UEVLD: variants seen among roughly 807,000 people sequenced by gnomAD.
The protein encoded by UEVLD is ubiquitin-conjugating enzyme E2 variant 3.
UEVLD carries 47 observed loss-of-function variants against 58.6 expected under a neutral mutation model. That is an observed-to-expected ratio of 0.80 (90% CI 0.63 to 1.02). The LOEUF (loss-of-function observed/expected upper bound fraction) is 1.02. Among genes scored for constraint, UEVLD ranks in the 50% least tolerant of loss-of-function variants. UEVLD has a pLI of 0.00. For missense variants in UEVLD, 510 were observed against 550.6 expected (o/e 0.93, Z 0.74); for synonymous variants, 197 against 195.3 (o/e 1.01, Z -0.07).
At chr11:18,567,798 G>C (rs1185705493) in intron 4 of UEVLD, among the ~76,000 whole-genome samples, 2 of 152,150 alleles carry the variant, frequency 1.3e-5, no homozygotes, top group Non-Finnish European at 2.9e-5. Flanking sequence ...GGAACTTAAA[G>C]GTGCTGCAGT....
intron 9 of UEVLD, among the ~76,000 whole-genome samples, chr11:18,542,182 ATATTAT>A (rs770057772): frequency 1.3e-5 from 2 of 152,094 alleles, no homozygotes; most frequent in African/African-American, 4.8e-5. Context: ...GTTTTGAGTA[ATATTAT>A]TATTATTTTC....
At position 18,532,274 on chromosome 11, in the gene UEVLD, T is replaced by G. The variant is rs775005532; in HGVS notation, c.*46A>C. 2.9e-5 allele frequency: 45 copies of G among 1,534,754 alleles called. No individual in the cohort carries two copies. Among genetic ancestry groups the G allele is most frequent in the Admixed American group, 1.1e-4 (5 of 46,728 alleles). ...CTATATATAGGTAAAATTAAATGAC[T>G]TTTCCCTTTAGGTAGAAGTCCAGCC... On this transcript the variant is annotated 3_prime_UTR_variant, in exon 12 of 12. Transcript: ENST00000396197.
At chr11:18,586,239 G>T (rs751453414) in intron 1 of UEVLD, among the ~76,000 whole-genome samples, 2 of 151,278 alleles carry the variant, frequency 1.3e-5, no homozygotes, top group Non-Finnish European at 2.9e-5. Context: ...TTTTGAGATG[G>T]GGTCTCCCTC....
At chr11:18,584,857 T>C (rs1853458765) in intron 1 of UEVLD, among the ~76,000 whole-genome samples, 1 of 152,162 alleles carries the variant, frequency 6.6e-6, no homozygotes, top group Non-Finnish European at 1.5e-5. Flanking sequence ...GGTCTTGAAT[T>C]CCTGACCTCG....
intron 7 of UEVLD, among the ~76,000 whole-genome samples, chr11:18,551,195 G>T (rs1851510620): frequency 6.6e-6 from 1 of 152,154 alleles, no homozygotes; most frequent in Admixed American, 6.6e-5. Context: ...TTGGGAGGCT[G>T]AGGTGGGCGG....
chr11:18,544,856 G>T, intron 8 of UEVLD, 60 bp from the exon 9 acceptor site: 2 of 1,271,702 alleles, frequency 1.6e-6, no homozygotes, highest in Non-Finnish European at 2.1e-6. Flanking sequence ...TTCTAGCCTA[G>T]CTCACAAATA....
At chr11:18,556,386 G>GT (rs1283460485) in intron 7 of UEVLD, among the ~76,000 whole-genome samples, 1 of 152,226 alleles carries the variant, frequency 6.6e-6, no homozygotes, top group East Asian at 1.9e-4. Flanking sequence ...TGAACTCATT[G>GT]TATCCTACAG....
chr11:18,532,022 T>C lies in UEVLD; in HGVS notation c.*298A>G, dbSNP rs1850578831. Reference sequence around the variant, plus strand: ...ATATTCCCGAAGTATGAATTGTGCTTTTAGTTTAGGATATATGATTTAAAT... The same window carrying C: ...ATATTCCCGAAGTATGAATTGTGCTCTTAGTTTAGGATATATGATTTAAAT... On this transcript the variant is annotated 3_prime_UTR_variant, in exon 12 of 12. Coordinates refer to ENST00000396197, the MANE Select transcript of UEVLD (RefSeq NM_001040697.4). 5.3e-6 allele frequency: 1 copy of C among 188,452 alleles called. No homozygotes were observed. The highest frequency in any genetic ancestry group is 1.1e-5 in the Non-Finnish European group (1 of 92,880). 11.7% of individuals were successfully genotyped at this position (188,452 alleles called of 1,614,324 possible). A position where few individuals can be genotyped will look rare whatever the true frequency, so the allele number is the denominator to read the frequency against.
chr11:18,546,494 ATTTTGT>A (rs1851304948), intron 8 of UEVLD, among the ~76,000 whole-genome samples: 1 of 141,882 alleles, frequency 7.0e-6, no homozygotes, highest in African/African-American at 2.6e-5. Context: ...TTTGTTTTTT[ATTTTGT>A]TTTTGTTTTT....
chr11:18,578,052 T>C (rs900359612), intron 2 of UEVLD, among the ~76,000 whole-genome samples: 3 of 152,182 alleles, frequency 2.0e-5, no homozygotes, highest in South Asian at 2.1e-4. Flanking sequence ...CCTTGGAACC[T>C]GTGAATATGT....
chr11:18,544,534 C>A, intron 9 of UEVLD, 89 bp downstream of exon 9: 3 of 1,416,302 alleles, frequency 2.1e-6, no homozygotes, highest in South Asian at 2.7e-5. Context: ...TCTTGAAGTC[C>A]TGGCTTCAAG....
At chr11:18,565,916 T>TTGG (rs71050611) in intron 5 of UEVLD, among the ~76,000 whole-genome samples, 2 of 149,218 alleles carry the variant, frequency 1.3e-5, no homozygotes, top group Non-Finnish European at 3.0e-5. Context: ...TTTTTTTTTT[T>TTGG]GAGATGGAGT....
rs112126418 is a variant in UEVLD at position 18,560,138 on chromosome 11, CAG to C, written c.613-1810_613-1809del. Among the ~76,000 whole-genome samples, 543 of 74,802 alleles carry C rather than the reference CAG, an allele frequency of 7.3e-3. 11 individuals carry two copies. Among genetic ancestry groups the C allele is most frequent in the African/African-American group, 0.019 (344 of 18,258 alleles). 49.1% of individuals were successfully genotyped at this position (74,802 alleles called of 152,430 possible). A position where few individuals can be genotyped will look rare whatever the true frequency, so the allele number is the denominator to read the frequency against. ...ACACACACACACACACACACACACA[CAG>C]AGAGAGAAAGAAAATAACCCTGCTA... On this transcript the variant is annotated intron_variant, in intron 6 of 11. Coordinates refer to ENST00000396197, the MANE Select transcript of UEVLD (RefSeq NM_001040697.4).
At chr11:18,574,433 C>A (rs541036758) in intron 3 of UEVLD, among the ~76,000 whole-genome samples, 10 of 152,180 alleles carry the variant, frequency 6.6e-5, no homozygotes, top group African/African-American at 2.4e-4. Flanking sequence ...CCACCACACC[C>A]GGCAAGAACA....
intron 9 of UEVLD, among the ~76,000 whole-genome samples, chr11:18,538,419 G>C (rs1442876910): frequency 2.0e-5 from 3 of 151,766 alleles, no homozygotes; most frequent in Non-Finnish European, 2.9e-5. Context: ...TGGGATTACA[G>C]GTGTGCGCCT....
At chr11:18,569,499 CG>C (rs1852480688) in intron 4 of UEVLD, among the ~76,000 whole-genome samples, 1 of 151,954 alleles carries the variant, frequency 6.6e-6, no homozygotes, top group Admixed American at 6.6e-5. Flanking sequence ...TTTATCATTA[CG>C]GAAGTATCAA....
chr11:18,557,637 C>T (rs1047646707), intron 7 of UEVLD, among the ~76,000 whole-genome samples: 8 of 150,450 alleles, frequency 5.3e-5, no homozygotes, highest in Non-Finnish European at 1.2e-4. Flanking sequence ...AATCCTAGTG[C>T]ATTGCAGCCT....
intron 6 of UEVLD, among the ~76,000 whole-genome samples, chr11:18,562,434 C>T (rs949515270): frequency 2.0e-5 from 3 of 151,260 alleles, no homozygotes; most frequent in South Asian, 4.2e-4. Flanking sequence ...CCCAGCTACT[C>T]GGGAGGCTGA....
rs111897158 is a variant in UEVLD at position 18,567,484 on chromosome 11, C to T, written c.358-1002G>A. Among the ~76,000 whole-genome samples, 1,122 of 152,244 alleles carry T rather than the reference C, an allele frequency of 7.4e-3. 13 individuals carry two copies. The highest frequency in any genetic ancestry group is 0.026 in the African/African-American group (1,071 of 41,550). On this transcript the variant is annotated intron_variant, in intron 4 of 11. Transcript: ENST00000396197. Reference sequence around the variant, plus strand: ...GCTATTAGGGCCAAGAATTCAAATACCTTTGGGGACCAAGCAGGTAACGTT... The same window carrying T: ...GCTATTAGGGCCAAGAATTCAAATATCTTTGGGGACCAAGCAGGTAACGTT...
Sources: allele counts gnomAD v4.1 joint callset (sites outside exome capture counted in the v4.1 genomes callset), GRCh38; gene constraint gnomAD v4.1.1; transcripts MANE v1.5; gene names NCBI Gene and HGNC (gene_info 2026-07-23, HGNC 2026-07-21).